The following SHISA9 variants were observed in gnomAD, a reference collection of about 807,000 sequenced individuals.
SHISA9 encodes the protein protein shisa-9.
In SHISA9, 13 loss-of-function variants were observed where a neutral mutation model predicts 38.0. That is an observed-to-expected ratio of 0.34 (90% CI 0.22 to 0.54). SHISA9 has a LOEUF of 0.54. SHISA9 is among the 20% of genes least tolerant of loss of function. The probability of loss-of-function intolerance (pLI) is 0.91; values close to 1 mark genes in which losing one functional copy is unlikely to be tolerated. For missense variants in SHISA9, 538 were observed against 575.8 expected, an observed-to-expected ratio of 0.93 and a Z score of 0.67; for synonymous variants, 275 against 242.0, an observed-to-expected ratio of 1.14 and a Z score of -1.27.
the SHISA9 span, among the ~76,000 whole-genome samples, chr16:13,360,535 C>G: frequency 6.6e-6 from 1 of 152,152 alleles, no homozygotes; most frequent in African/African-American, 2.4e-5. Flanking sequence ...TTCTTCCTGC[C>G]ACCATGCAAA....
At chr16:13,168,281 G>A (rs914980500) in intron 2 of SHISA9, among the ~76,000 whole-genome samples, 1 of 152,216 alleles carries the variant, frequency 6.6e-6, no homozygotes, top group Non-Finnish European at 1.5e-5. Context: ...CTATGTAGCA[G>A]CGATGAATAA....
the SHISA9 span, among the ~76,000 whole-genome samples, chr16:13,527,539 T>C: frequency 2.6e-4 from 39 of 152,236 alleles, no homozygotes; most frequent in African/African-American, 9.4e-4. Flanking sequence ...AAATATAAGG[T>C]AGTGGCGTCA....
In SHISA9 at chr16:12,996,516, A is replaced by G. The variant is rs946196033; in HGVS notation, c.691+79701A>G. Among the ~76,000 whole-genome samples, 4 of 152,154 alleles carry G rather than the reference A, an allele frequency of 2.6e-5. No individual in the cohort carries two copies. The South Asian group carries it at 8.3e-4, about 32-fold the overall frequency. On this transcript the variant is annotated intron_variant, in intron 2 of 4. Coordinates refer to ENST00000558583, the MANE Select transcript of SHISA9 (RefSeq NM_001145204.3). ...GACTTGCTGACTTGCCCACTTTACC[A>G]GCATGGCCCCCAGGGTGACTACATT...
chr16:12,922,722 G>T (rs891024401), intron 2 of SHISA9, among the ~76,000 whole-genome samples: 1 of 152,168 alleles, frequency 6.6e-6, no homozygotes, highest in African/African-American at 2.4e-5. Flanking sequence ...ATGTCACCAT[G>T]TTGGCCAGGC....
the SHISA9 span, among the ~76,000 whole-genome samples, chr16:13,357,086 A>T: frequency 6.6e-6 from 1 of 151,840 alleles, no homozygotes. Context: ...AGACACGGAG[A>T]AGGGGTGGAG....
In SHISA9 at chr16:13,234,986, CTT is replaced by C. The variant is rs1491187924; in HGVS notation, c.896-43_896-42del. The C allele has an allele frequency of 5.4e-5, 81 of 1,486,430 alleles. No homozygotes were observed. In the South Asian group the frequency reaches 6.6e-4, roughly 12 times the overall value. The allele number at this position is 1,486,430 out of a possible 1,614,324, so 92.1% of individuals were successfully genotyped here. ...TCTCTCTCTCTCTCTCTCTCTCTCT[CTT>C]CTCTTTCTTCCCCTTCTTCATCCAC... On this transcript the variant is annotated intron_variant, in intron 4 of 4. Coordinates refer to ENST00000558583, the MANE Select transcript of SHISA9 (RefSeq NM_001145204.3).
chr16:13,108,222 G>T (rs1188275599), intron 2 of SHISA9, among the ~76,000 whole-genome samples: 1 of 151,738 alleles, frequency 6.6e-6, no homozygotes, highest in African/African-American at 2.4e-5. Flanking sequence ...TTGACCTCCA[G>T]GACTCAAGTG....
At chr16:13,111,728 A>G (rs1786470954) in intron 2 of SHISA9, among the ~76,000 whole-genome samples, 1 of 152,236 alleles carries the variant, frequency 6.6e-6, no homozygotes, top group African/African-American at 2.4e-5. Context: ...GCAATTCAGT[A>G]TTGAATATTA....
At chr16:13,013,158 C>T (rs1195829380) in intron 2 of SHISA9, among the ~76,000 whole-genome samples, 1 of 152,174 alleles carries the variant, frequency 6.6e-6, no homozygotes, top group Non-Finnish European at 1.5e-5. Context: ...TTGTGAACAG[C>T]ATCAGGAACC....
chr16:12,976,644 A>C (rs1292223658), intron 2 of SHISA9, among the ~76,000 whole-genome samples: 1 of 152,102 alleles, frequency 6.6e-6, no homozygotes, highest in Non-Finnish European at 1.5e-5. Flanking sequence ...GAATCATTTT[A>C]GGTGTTCTAA....
At chr16:12,961,427 G>A (rs956266521) in intron 2 of SHISA9, among the ~76,000 whole-genome samples, 4 of 152,174 alleles carry the variant, frequency 2.6e-5, no homozygotes, top group Non-Finnish European at 5.9e-5. Context: ...TCCATTTCTG[G>A]AAGGCCACTT....
chr16:13,300,863 C>CTCCTT, the SHISA9 span, among the ~76,000 whole-genome samples: 3 of 144,536 alleles, frequency 2.1e-5, no homozygotes, highest in Non-Finnish European at 4.6e-5. Context: ...CTCCTCTCCT[C>CTCCTT]TCCTCTCCTC....
the SHISA9 span, among the ~76,000 whole-genome samples, chr16:13,422,071 C>G: frequency 6.6e-6 from 1 of 152,142 alleles, no homozygotes; most frequent in Non-Finnish European, 1.5e-5. Flanking sequence ...TGGAGCTGGT[C>G]AGCTTTTCTT....
the SHISA9 span, among the ~76,000 whole-genome samples, chr16:13,349,273 G>A: frequency 2.6e-5 from 4 of 152,166 alleles, no homozygotes; most frequent in Admixed American, 2.0e-4. Flanking sequence ...TTAACCACCC[G>A]CAGTGTTAAC....
chr16:13,213,368 A>T, intron 4 of SHISA9, 68 bp downstream of exon 4: 2 of 1,426,054 alleles, frequency 1.4e-6, no homozygotes, highest in Admixed American at 2.0e-5. Flanking sequence ...TAATGAAGGG[A>T]TAGAGAGTCC....
intron 2 of SHISA9, among the ~76,000 whole-genome samples, chr16:13,032,194 G>C (rs1439075412): frequency 1.3e-5 from 2 of 152,010 alleles, no homozygotes; most frequent in Non-Finnish European, 2.9e-5. Flanking sequence ...CCCAAGAGAG[G>C]CTCTGGTATG....
the SHISA9 span, among the ~76,000 whole-genome samples, chr16:13,544,564 G>A: frequency 6.6e-6 from 1 of 151,766 alleles, no homozygotes; most frequent in Non-Finnish European, 1.5e-5. Context: ...TCCTGGCTGG[G>A]ATTTCCCTCA....
the SHISA9 span, among the ~76,000 whole-genome samples, chr16:13,293,036 C>T: frequency 2.0e-5 from 3 of 152,084 alleles, no homozygotes; most frequent in Non-Finnish European, 4.4e-5. Flanking sequence ...CAGGTTTCCC[C>T]CCTGCAAACT....
Position 13,235,984 on chromosome 16 carries a change from A to G in SHISA9, c.*575A>G, listed in dbSNP as rs1162670456. The G allele has an allele frequency of 6.6e-6, 1 of 152,304 alleles. No homozygotes were observed. Among genetic ancestry groups the G allele is most frequent in the Non-Finnish European group, 1.5e-5 (1 of 68,172 alleles). The allele number at this position is 152,304 out of a possible 1,614,324, so 9.4% of individuals were successfully genotyped here. On this transcript the variant is annotated 3_prime_UTR_variant, in exon 5 of 5. Coordinates refer to ENST00000558583, the MANE Select transcript of SHISA9 (RefSeq NM_001145204.3). ...CCAAGAAGTGGTGACGTGGACGTAAAATTTTGACGAGCATGAAACAGTAAC... is the reference window on the plus strand; with the variant it reads ...CCAAGAAGTGGTGACGTGGACGTAAGATTTTGACGAGCATGAAACAGTAAC...
Sources: allele counts gnomAD v4.1 joint callset (sites outside exome capture counted in the v4.1 genomes callset), GRCh38; gene constraint gnomAD v4.1.1; transcripts MANE v1.5; gene names NCBI Gene and HGNC (gene_info 2026-07-23, HGNC 2026-07-21).